ERICH3: variants seen among roughly 807,000 people sequenced by gnomAD.
ERICH3 encodes glutamate rich 3.
Under a neutral mutation model 131.1 loss-of-function variants are expected in ERICH3, and 126 were observed. That is an observed-to-expected ratio of 0.96 (90% CI 0.83 to 1.11). The LOEUF is 1.11. Among genes scored for constraint, ERICH3 ranks in the 50% most tolerant of loss-of-function variants. The pLI is 0.00. For missense variants in ERICH3, 2,050 were observed against 1,810.7 expected (o/e 1.13, Z -2.40); for synonymous variants, 695 against 644.6 (o/e 1.08, Z -1.18).
At chr1:74,586,383 C>T (rs1385248704) in intron 12 of ERICH3, 2 of 973,108 alleles carry the variant, frequency 2.1e-6, no homozygotes, top group African/African-American at 3.5e-5. Context: ...TATCTACCTA[C>T]CTATAATTTC....
intron 8 of ERICH3, among the ~76,000 whole-genome samples, chr1:74,619,485 T>C (rs912647545): frequency 2.0e-5 from 3 of 152,040 alleles, no homozygotes; most frequent in Non-Finnish European, 4.4e-5. Flanking sequence ...TCATTAGGGG[T>C]TTCATCCCAC....
chr1:74,579,630 G>A, intron 12 of ERICH3: 1 of 985,372 alleles, frequency 1.0e-6, no homozygotes, highest in Non-Finnish European at 1.2e-6. Context: ...TTTTTTCTCA[G>A]ATGTTCTTCT....
At chr1:74,654,757 T>G (rs554771064) in intron 1 of ERICH3, among the ~76,000 whole-genome samples, 1 of 152,154 alleles carries the variant, frequency 6.6e-6, no homozygotes, top group Admixed American at 6.6e-5. Context: ...CAGTCCATAA[T>G]AGAAGATATG....
chr1:74,632,874 T>C (rs1646353654), intron 6 of ERICH3, among the ~76,000 whole-genome samples: 1 of 151,950 alleles, frequency 6.6e-6, no homozygotes, highest in African/African-American at 2.4e-5. Flanking sequence ...GCATGTACTA[T>C]TTTAATCATT....
rs139086681 is a variant in ERICH3, at chr1:74,649,601, G to C, written c.24-286C>G. On this transcript the variant is annotated intron_variant, in intron 1 of 14. Transcript: ENST00000326665. ...GTACAACAATAGAAATATGCAAAAAGTCATGGCAGCACAGAGAAGGAGGCC... is the reference window on the plus strand; with the variant it reads ...GTACAACAATAGAAATATGCAAAAACTCATGGCAGCACAGAGAAGGAGGCC... 4.3e-3 allele frequency among the ~76,000 whole-genome samples: 662 copies of C among 152,220 alleles called. 3 individuals carry two copies. Among genetic ancestry groups the C allele is most frequent in the African/African-American group, 0.015 (626 of 41,554 alleles).
intron 11 of ERICH3, among the ~76,000 whole-genome samples, chr1:74,599,378 G>C (rs1648009656): frequency 6.6e-6 from 1 of 151,856 alleles, no homozygotes; most frequent in Non-Finnish European, 1.5e-5. Context: ...TAAATGATGA[G>C]AACACATGGA....
intron 2 of ERICH3, among the ~76,000 whole-genome samples, chr1:74,647,100 G>A (rs6660278): frequency 0.42 from 64,333 of 151,988 alleles, 14,726 homozygotes; most frequent in Non-Finnish European, 0.52. Context: ...AAAGGAGAAA[G>A]GCAGTCTCAT....
At chr1:74,591,016 A>C (rs1294764265) in intron 11 of ERICH3, among the ~76,000 whole-genome samples, 1 of 152,156 alleles carries the variant, frequency 6.6e-6, no homozygotes, top group Non-Finnish European at 1.5e-5. Flanking sequence ...TTCTGTGTGC[A>C]TGAAACTTAA....
intron 4 of ERICH3, among the ~76,000 whole-genome samples, chr1:74,642,119 A>T (rs1339445469): frequency 6.6e-6 from 1 of 152,130 alleles, no homozygotes; most frequent in Non-Finnish European, 1.5e-5. Context: ...GATGTAGGGC[A>T]ATATTGGCAA....
At chr1:74,668,901 T>G (rs543541888) in intron 1 of ERICH3, among the ~76,000 whole-genome samples, 1 of 152,316 alleles carries the variant, frequency 6.6e-6, no homozygotes, top group East Asian at 1.9e-4. Context: ...GAGATAATTT[T>G]GGTGGTGCAA....
At chr1:74,576,235 T>A (rs868696453) in intron 13 of ERICH3, among the ~76,000 whole-genome samples, 1 of 152,254 alleles carries the variant, frequency 6.6e-6, no homozygotes, top group African/African-American at 2.4e-5. Context: ...AAAGCCCTAA[T>A]AATCTTCCTT....
At position 74,572,362 on chromosome 1, in the gene ERICH3, T is replaced by A; in HGVS notation, c.3348A>T (p.Lys1116Asn). ...ETEVRAEEET[K>N]APPNEMGSDA... is the part of the protein sequence containing the mutation. ...CAGATCCCATTTCATTTGGGGGAGC[T>A]TTTGTCTCTTCCTCAGCTCTTACTT... The change falls in exon 14 of 15, where the codon AAA (lysine) becomes AAT (asparagine). Residue 1116 changes from lysine (K) to asparagine (N), a missense_variant. Coordinates refer to ENST00000326665, the MANE Select transcript of ERICH3 (RefSeq NM_001002912.5). The A allele has an allele frequency of 6.2e-7, 1 of 1,613,704 alleles. No homozygotes were observed. Among genetic ancestry groups the A allele is most frequent in the Non-Finnish European group, 8.5e-7 (1 of 1,179,986 alleles).
rs778441329 is a variant in ERICH3 at position 74,606,749 on chromosome 1, C to T, written c.1341G>A (p.Glu447=). 59 of 1,613,182 alleles carry T rather than the reference C, an allele frequency of 3.7e-5. No homozygotes were observed. The highest frequency in any genetic ancestry group is 4.6e-5 in the Non-Finnish European group (54 of 1,179,566). ...ATTTGGCTGAAACAGAGGTTTTGTT[C>T]TCCTTGATCTCATTTCTTTTTGGTA... ...YVIPKRNEIK[E]NKTSVSAKFS... is the part of the protein sequence containing the mutation. Residue 447 remains glutamate (E), a synonymous_variant, in exon 10 of 15, where the codon GAG becomes GAA. Coordinates refer to ENST00000326665, the MANE Select transcript of ERICH3 (RefSeq NM_001002912.5).
chr1:74,605,141 T>C (rs1412944284), intron 10 of ERICH3, among the ~76,000 whole-genome samples: 3 of 151,976 alleles, frequency 2.0e-5, no homozygotes, highest in Admixed American at 6.6e-5. Flanking sequence ...GCTATGGAAA[T>C]GACTTCTTTC....
chr1:74,607,048 C>T lies in ERICH3; in HGVS notation c.1188-146G>A, dbSNP rs1570859438. 1.2e-5 allele frequency: 7 copies of T among 564,608 alleles called. No homozygotes were observed. In the East Asian group the frequency reaches 2.3e-4, roughly 19 times the overall value. The allele number at this position is 564,608 out of a possible 1,614,324, so 35.0% of individuals were successfully genotyped here. A position where few individuals can be genotyped will look rare whatever the true frequency, so the allele number is the denominator to read the frequency against. ...TACAGTACACACTAATAAAAATAAA[C>T]AATTAAAAAAGCTAATTAAAAATAA... is the stretch of plus-strand genomic sequence containing the variant. On this transcript the variant is annotated intron_variant, in intron 9 of 14. Coordinates refer to ENST00000326665, the MANE Select transcript of ERICH3 (RefSeq NM_001002912.5).
At chr1:74,592,563 A>G (rs1400695363) in intron 11 of ERICH3, among the ~76,000 whole-genome samples, 1 of 152,128 alleles carries the variant, frequency 6.6e-6, no homozygotes, top group Non-Finnish European at 1.5e-5. Context: ...TAGCTCTGAG[A>G]GTTGGTCATA....
intron 1 of ERICH3, among the ~76,000 whole-genome samples, chr1:74,650,448 A>C (rs1417840710): frequency 6.6e-6 from 1 of 152,182 alleles, no homozygotes; most frequent in African/African-American, 2.4e-5. Context: ...ATATACATTC[A>C]TACATAGACA....
At chr1:74,637,912 G>GA (rs112478484) in intron 5 of ERICH3, among the ~76,000 whole-genome samples, 21,584 of 136,246 alleles carry the variant, frequency 0.16, 1,761 homozygotes, top group South Asian at 0.37. Flanking sequence ...TGCTGTCTCA[G>GA]AAAAAAAAAA....
chr1:74,640,744 C>A (rs1162501063), intron 5 of ERICH3, among the ~76,000 whole-genome samples: 1 of 152,024 alleles, frequency 6.6e-6, no homozygotes, highest in Non-Finnish European at 1.5e-5. Flanking sequence ...AATTTCTGTA[C>A]ATTTAATTAT....
Sources: allele counts gnomAD v4.1 joint callset (sites outside exome capture counted in the v4.1 genomes callset), GRCh38; gene constraint gnomAD v4.1.1; transcripts MANE v1.5; gene names NCBI Gene and HGNC (gene_info 2026-07-23, HGNC 2026-07-21).